The following PRKCB variants were observed in gnomAD, a reference collection of about 807,000 sequenced individuals.
PRKCB encodes the protein protein kinase C beta type.
In PRKCB, 13 loss-of-function variants were observed where a neutral mutation model predicts 81.5. The ratio of observed to expected loss-of-function variants is 0.16; its 90% CI spans 0.10 to 0.25. PRKCB has a LOEUF of 0.25. Among genes scored for constraint, PRKCB ranks in the 10% least tolerant of loss-of-function variants. The probability of loss-of-function intolerance (pLI) is 1.00; values close to 1 mark genes in which losing one functional copy is unlikely to be tolerated. For missense variants in PRKCB, 509 were observed against 875.7 expected, an observed-to-expected ratio of 0.58 and a Z score of 5.29; for synonymous variants, 335 against 321.4, an observed-to-expected ratio of 1.04 and a Z score of -0.45.
At chr16:24,118,960 A>G (rs1966765890) in intron 8 of PRKCB, among the ~76,000 whole-genome samples, 1 of 152,092 alleles carries the variant, frequency 6.6e-6, no homozygotes, top group African/African-American at 2.4e-5. Context: ...GGCAAACAAC[A>G]AGAAGGCGAA....
Position 24,092,882 on chromosome 16 carries a change from G to A in PRKCB, c.621G>A (p.Glu207=), listed in dbSNP as rs1966393805. The A allele has an allele frequency of 2.5e-6, 4 of 1,614,020 alleles. No individual in the cohort carries two copies. Among genetic ancestry groups the A allele is most frequent in the Non-Finnish European group, 3.4e-6 (4 of 1,180,040 alleles). The change falls in exon 6 of 17, where the codon GAG becomes GAA. Residue 207 remains glutamate, a synonymous_variant. Transcript: ENST00000643927. ...AACTGATTCCCGATCCCAAAAGTGAGAGCAAACAGAAGACCAAAACCATCA... is the reference window on the plus strand; with the variant it reads ...AACTGATTCCCGATCCCAAAAGTGAAAGCAAACAGAAGACCAAAACCATCA... The part of the protein sequence containing the change: ...KLKLIPDPKS[E]SKQKTKTIKC...
intron 2 of PRKCB, among the ~76,000 whole-genome samples, chr16:23,935,856 G>T (rs866457040): frequency 6.6e-6 from 1 of 152,064 alleles, no homozygotes; most frequent in South Asian, 2.1e-4. Flanking sequence ...TATGAAACTA[G>T]ACACTGGACT....
At chr16:24,021,207 TTTCTTTCTTTCTTTCTTTCTTTCTTTCC>T (rs147959262) in intron 3 of PRKCB, among the ~76,000 whole-genome samples, 32,187 of 72,668 alleles carry the variant, frequency 0.44, 7,031 homozygotes, top group South Asian at 0.63. Context: ...TCTTTCTTTC[TTTCTTTCTTTCTTTCTTTCTTTCTTTCC>T]TTCCTTCCTT....
At chr16:24,132,381 T>C (rs960616226) in intron 9 of PRKCB, among the ~76,000 whole-genome samples, 1 of 152,236 alleles carries the variant, frequency 6.6e-6, no homozygotes, top group Non-Finnish European at 1.5e-5. Context: ...CTGAAAGGCA[T>C]AACTAAGGAT....
chr16:24,181,789 A>AAAAAAAAAG (rs1013403340), intron 13 of PRKCB, among the ~76,000 whole-genome samples: 2 of 138,712 alleles, frequency 1.4e-5, no homozygotes, highest in African/African-American at 2.6e-5. Flanking sequence ...AAAAAAAAAA[A>AAAAAAAAAG]AAGAAGAAGA....
chr16:23,957,631 T>G (rs534763384), intron 2 of PRKCB, among the ~76,000 whole-genome samples: 5 of 152,102 alleles, frequency 3.3e-5, no homozygotes, highest in Non-Finnish European at 7.3e-5. Flanking sequence ...TCCTGGAGAT[T>G]TTTAGCCAAG....
chr16:23,977,577 C>T lies in PRKCB; in HGVS notation c.206-10931C>T, dbSNP rs180706612. On this transcript the variant is annotated intron_variant, in intron 2 of 16. Coordinates refer to ENST00000643927, the MANE Select transcript of PRKCB (RefSeq NM_002738.7). ...GAAGTAGGGAATATCTCAGTCCGTA[C>T]CTACAGATAGCCTCACACATGTGGT... 5.9e-5 allele frequency among the ~76,000 whole-genome samples: 9 copies of T among 152,288 alleles called. No homozygotes were observed. The East Asian group carries it at 1.7e-3, about 29-fold the overall frequency.
intron 2 of PRKCB, among the ~76,000 whole-genome samples, chr16:23,932,429 T>C (rs1028473938): frequency 6.6e-6 from 1 of 152,168 alleles, no homozygotes; most frequent in Non-Finnish European, 1.5e-5. Context: ...CATTTCCTAT[T>C]TTTTGGCAAA....
intron 9 of PRKCB, among the ~76,000 whole-genome samples, chr16:24,142,883 A>G (rs1340281664): frequency 6.6e-6 from 1 of 151,998 alleles, no homozygotes; most frequent in Non-Finnish European, 1.5e-5. Flanking sequence ...ACAGATCAGC[A>G]CCCTGACCCT....
intron 2 of PRKCB, among the ~76,000 whole-genome samples, chr16:23,978,616 T>C (rs141118693): frequency 6.6e-6 from 1 of 152,306 alleles, no homozygotes; most frequent in African/African-American, 2.4e-5. Flanking sequence ...AAATGGATGG[T>C]TAATGCCGCC....
chr16:23,897,579 A>T (rs555079112), intron 2 of PRKCB, among the ~76,000 whole-genome samples: 1 of 152,140 alleles, frequency 6.6e-6, no homozygotes, highest in Non-Finnish European at 1.5e-5. Flanking sequence ...TTGTTTGTTC[A>T]TCTAGCTGTC....
At chr16:23,864,474 T>TA (rs1402081835) in intron 2 of PRKCB, among the ~76,000 whole-genome samples, 3 of 152,284 alleles carry the variant, frequency 2.0e-5, no homozygotes, top group Admixed American at 2.0e-4. Context: ...GATACAGCAA[T>TA]AGGCAAGATA....
intron 2 of PRKCB, among the ~76,000 whole-genome samples, chr16:23,941,141 T>C (rs925119565): frequency 1.3e-5 from 2 of 152,204 alleles, no homozygotes; most frequent in Non-Finnish European, 2.9e-5. Flanking sequence ...TCTGAGCAAC[T>C]ACTCAATGCT....
At chr16:23,913,053 G>A (rs921075075) in intron 2 of PRKCB, among the ~76,000 whole-genome samples, 9 of 152,022 alleles carry the variant, frequency 5.9e-5, no homozygotes, top group African/African-American at 1.9e-4. Context: ...TGCCCACCTT[G>A]ACCTCTCCAA....
rs371842506 is a variant in PRKCB, at chr16:24,217,288, T to A, written c.*2472T>A. ...TAGATACTCAAGCCAAAGTCTGTTT[T>A]AGAGAAACTTTCCATGGAAAGTCAG... On this transcript the variant is annotated 3_prime_UTR_variant, in exon 17 of 17. Transcript: ENST00000643927. 10 of 985,436 alleles carry A rather than the reference T, an allele frequency of 1.0e-5. No homozygotes were observed. The South Asian group carries it at 4.2e-4, about 42-fold the overall frequency. The allele number at this position is 985,436 out of a possible 1,614,324, so 61.0% of individuals were successfully genotyped here.
At chr16:23,942,506 G>A (rs1292203723) in intron 2 of PRKCB, among the ~76,000 whole-genome samples, 1 of 152,188 alleles carries the variant, frequency 6.6e-6, no homozygotes, top group Non-Finnish European at 1.5e-5. Flanking sequence ...GCATTGAGAA[G>A]CACTAGAAAG....
At chr16:24,137,188 CTTTTA>C (rs2141940457) in intron 9 of PRKCB, among the ~76,000 whole-genome samples, 1 of 151,728 alleles carries the variant, frequency 6.6e-6, no homozygotes, top group South Asian at 2.1e-4. Context: ...TGTGCCTGGC[CTTTTA>C]TTTTAATTTT....
intron 3 of PRKCB, among the ~76,000 whole-genome samples, chr16:24,015,532 C>T (rs1457791074): frequency 1.3e-5 from 2 of 152,246 alleles, no homozygotes; most frequent in Non-Finnish European, 2.9e-5. Flanking sequence ...CCTGGGTTGA[C>T]TCTGAACCTC....
intron 15 of PRKCB, among the ~76,000 whole-genome samples, chr16:24,188,006 C>T (rs1967731046): frequency 6.6e-6 from 1 of 152,234 alleles, no homozygotes; most frequent in African/African-American, 2.4e-5. Flanking sequence ...GTGTTTAATA[C>T]ATCCACAGGG....
Sources: gnomAD v4.1 joint callset for allele counts (sites outside exome capture counted in the v4.1 genomes callset) on GRCh38, gnomAD v4.1.1 for gene constraint, MANE v1.5 for transcripts, NCBI Gene and HGNC (gene_info 2026-07-23, HGNC 2026-07-21) for gene names.